The following CDCA2 variants were observed in gnomAD, a reference collection of about 807,000 sequenced individuals.
CDCA2 encodes the protein cell division cycle-associated protein 2.
Under a neutral mutation model 67.0 loss-of-function variants are expected in CDCA2, and 44 were observed. The observed-to-expected ratio is 0.66, with a 90% CI of 0.52 to 0.84. CDCA2 has a LOEUF of 0.84. Among genes scored for constraint, CDCA2 ranks in the 40% least tolerant of loss-of-function variants. CDCA2 has a pLI of 0.00. For synonymous variants in CDCA2, 447 were observed against 418.7 expected (o/e 1.07, Z -0.82); for missense variants, 1,253 against 1,203.2 (o/e 1.04, Z -0.61).
intron 13 of CDCA2, among the ~76,000 whole-genome samples, chr8:25,501,837 C>T (rs1054255747): frequency 1.3e-5 from 2 of 152,180 alleles, no homozygotes; most frequent in Non-Finnish European, 2.9e-5. Context: ...ACCTGGCACA[C>T]AGCAGTCTCA....
intron 14 of CDCA2, among the ~76,000 whole-genome samples, chr8:25,505,281 A>C (rs1157950668): frequency 5.3e-5 from 8 of 152,162 alleles, no homozygotes; most frequent in Non-Finnish European, 1.2e-4. Flanking sequence ...GGCTCACTGC[A>C]ACCTCCACCT....
intron 4 of CDCA2, 27 bp from the exon 5 acceptor site, chr8:25,466,148 C>T (rs1190480862): frequency 1.3e-6 from 2 of 1,576,990 alleles, no homozygotes; most frequent in Admixed American, 2.0e-5. Context: ...GATTATAATA[C>T]TCCTTGTATA....
chr8:25,470,002 C>G, intron 7 of CDCA2, 22 bp downstream of exon 7: 1 of 1,477,232 alleles, frequency 6.8e-7, no homozygotes, highest in South Asian at 1.2e-5. Context: ...TTTCTTAGTA[C>G]ATGGCCAGTT....
intron 1 of CDCA2, among the ~76,000 whole-genome samples, chr8:25,459,678 C>G (rs1358771760): frequency 2.0e-5 from 3 of 152,224 alleles, no homozygotes; most frequent in Non-Finnish European, 4.4e-5. Flanking sequence ...CAGGTTTTCG[C>G]TACGGTTGAA....
intron 7 of CDCA2, among the ~76,000 whole-genome samples, chr8:25,470,195 A>G (rs111702663): frequency 8.2e-4 from 125 of 152,342 alleles, no homozygotes; most frequent in African/African-American, 2.8e-3. Flanking sequence ...TTTCAAGCTC[A>G]TGGAATTTAG....
rs190390259 is a variant in CDCA2 at position 25,469,248 on chromosome 8, A to G, written c.736-648A>G. 3.5e-4 allele frequency among the ~76,000 whole-genome samples: 53 copies of G among 152,330 alleles called. 1 individual carries two copies. Among genetic ancestry groups the G allele is most frequent in the Non-Finnish European group, 4.6e-4 (31 of 68,030 alleles). On this transcript the variant is annotated intron_variant, in intron 6 of 14. Coordinates refer to ENST00000330560, the MANE Select transcript of CDCA2 (RefSeq NM_152562.4). ...TTCGTTTTATGTGGACTGGCAGAAC[A>G]AAGATTTGATAGTTATTAGACATTC...
chr8:25,466,996 C>T (rs905245042), intron 5 of CDCA2, among the ~76,000 whole-genome samples: 4 of 119,622 alleles, frequency 3.3e-5, no homozygotes, highest in African/African-American at 6.4e-5. Context: ...GATCCCAGAT[C>T]GTGCTATTGC....
intron 7 of CDCA2, among the ~76,000 whole-genome samples, chr8:25,471,488 A>G (rs1803153589): frequency 1.3e-5 from 2 of 152,030 alleles, no homozygotes; most frequent in African/African-American, 4.8e-5. Context: ...CGGCCTCCCA[A>G]GTAGCTAGAA....
At chr8:25,482,684 C>G (rs2117514070) in intron 8 of CDCA2, among the ~76,000 whole-genome samples, 1 of 152,304 alleles carries the variant, frequency 6.6e-6, no homozygotes, top group East Asian at 1.9e-4. Flanking sequence ...GCCTGGGCAA[C>G]ATGGCGAAAC....
chr8:25,477,908 G>C (rs573646767), intron 7 of CDCA2, among the ~76,000 whole-genome samples: 15 of 150,980 alleles, frequency 9.9e-5, no homozygotes, highest in African/African-American at 3.6e-4. Flanking sequence ...GACTTAACTT[G>C]ATACCTTTCT....
Position 25,479,966 on chromosome 8 carries a change from C to T in CDCA2, c.874C>T (p.Pro292Ser). The T allele has an allele frequency of 6.2e-7, 1 of 1,614,144 alleles. No homozygotes were observed. Among genetic ancestry groups the T allele is most frequent in the Non-Finnish European group, 8.5e-7 (1 of 1,180,030 alleles). Reference protein sequence around the residue: ...VGKGSSDAVSPDTFTAEVSSD... With the variant: ...VGKGSSDAVSSDTFTAEVSSD... ...CAAAGGATCAAGTGATGCCGTTTCGCCTGACACGTTCACAGCAGAAGTGAG... is the reference window on the plus strand; with the variant it reads ...CAAAGGATCAAGTGATGCCGTTTCGTCTGACACGTTCACAGCAGAAGTGAG... The change falls in exon 8 of 15, where the codon CCT becomes TCT. Residue 292 changes from proline to serine, a missense_variant. Coordinates refer to ENST00000330560, the MANE Select transcript of CDCA2 (RefSeq NM_152562.4).
rs202000203 is a variant in CDCA2, at chr8:25,460,246, G to A, written c.7G>A (p.Ala3Thr). ...GTTTTTCTTCACCTCTTAGATGGAT[G>A]CCAATTCAAAAGACAAGCCCCCTGA... Reference protein sequence around the residue: MDANSKDKPPETK... With the variant: MDTNSKDKPPETK... The change falls in exon 2 of 15, where the codon GCC (alanine) becomes ACC (threonine). Residue 3 changes from alanine to threonine, a missense_variant. Coordinates refer to ENST00000330560, the MANE Select transcript of CDCA2 (RefSeq NM_152562.4). The A allele has an allele frequency of 3.0e-5, 49 of 1,614,014 alleles. No homozygotes were observed. In the Middle Eastern group the frequency reaches 9.9e-4, roughly 32 times the overall value.
intron 13 of CDCA2, among the ~76,000 whole-genome samples, chr8:25,488,913 C>T (rs1803893483): frequency 6.6e-6 from 1 of 152,068 alleles, no homozygotes; most frequent in Non-Finnish European, 1.5e-5. Flanking sequence ...TGCGTACTTC[C>T]TGCACAGTAA....
Position 25,479,927 on chromosome 8 carries a change from G to T in CDCA2, c.835G>T (p.Asp279Tyr), listed in dbSNP as rs202137737. 1.2e-5 allele frequency: 20 copies of T among 1,614,060 alleles called. No individual in the cohort carries two copies. Among genetic ancestry groups the T allele is most frequent in the Non-Finnish European group, 1.7e-5 (20 of 1,180,048 alleles). Residue 279 changes from aspartate (D) to tyrosine (Y), a missense_variant, in exon 8 of 15, where the codon GAC (aspartate) becomes TAC (tyrosine). Coordinates refer to ENST00000330560, the MANE Select transcript of CDCA2 (RefSeq NM_152562.4). ...TETSNALKVA[D>Y]CVVGKGSSDA... ...TTATCTTGAAGCACTAAAGGTTGCTGACTGTGTAGTGGGCAAAGGATCAAG... is the reference window on the plus strand; with the variant it reads ...TTATCTTGAAGCACTAAAGGTTGCTTACTGTGTAGTGGGCAAAGGATCAAG...
At position 25,503,561 on chromosome 8, in the gene CDCA2, C is replaced by CT. The variant is rs1452972793; in HGVS notation, c.1843+18dup. 3 of 1,577,682 alleles carry CT rather than the reference C, an allele frequency of 1.9e-6. No individual in the cohort carries two copies. Among genetic ancestry groups the CT allele is most frequent in the African/African-American group, 2.8e-5 (2 of 72,610 alleles). On this transcript the variant is annotated intron_variant, in intron 14 of 14. Transcript: ENST00000330560. ...TGGGTTCAGGTATCCTGACATTTTC[C>CT]TGGTAGTTATATTTTATCTTTTCTC...
chr8:25,459,681 C>T (rs1171740468), intron 1 of CDCA2, among the ~76,000 whole-genome samples: 1 of 152,170 alleles, frequency 6.6e-6, no homozygotes, highest in African/African-American at 2.4e-5. Context: ...GTTTTCGCTA[C>T]GGTTGAAAAG....
intron 13 of CDCA2, among the ~76,000 whole-genome samples, chr8:25,500,570 A>C (rs1052996936): frequency 1.3e-5 from 2 of 152,032 alleles, no homozygotes; most frequent in Non-Finnish European, 2.9e-5. Context: ...GCAATGGTGC[A>C]ATCATAACTC....
chr8:25,505,800 A>G (rs1400111489), intron 14 of CDCA2, among the ~76,000 whole-genome samples: 1 of 152,214 alleles, frequency 6.6e-6, no homozygotes, highest in East Asian at 1.9e-4. Flanking sequence ...TAGAACTCAT[A>G]AAGCCTGAAC....
At chr8:25,468,166 A>G (rs1205062100) in intron 5 of CDCA2, 51 bp from the exon 6 acceptor site, 6 of 749,036 alleles carry the variant, frequency 8.0e-6, no homozygotes, top group Middle Eastern at 3.2e-4. Context: ...TATATAATAT[A>G]TATGAAAACA....
Sources: gnomAD v4.1 joint callset for allele counts (sites outside exome capture counted in the v4.1 genomes callset) on GRCh38, gnomAD v4.1.1 for gene constraint, MANE v1.5 for transcripts, NCBI Gene and HGNC (gene_info 2026-07-23, HGNC 2026-07-21) for gene names.